MCPH1: variants seen among roughly 807,000 people sequenced by gnomAD.
MCPH1 encodes microcephalin 1.
A neutral mutation model predicts 84.5 loss-of-function variants in MCPH1; 104 were observed. The observed-to-expected ratio is 1.23, with a 90% CI of 1.05 to 1.45. MCPH1 has a LOEUF of 1.45. Among genes scored for constraint, MCPH1 ranks in the 40% most tolerant of loss-of-function variants. MCPH1 has a pLI of 0.00. For missense variants in MCPH1, 1,498 were observed against 1,005.7 expected (o/e 1.49, Z -6.62); for synonymous variants, 514 against 366.8 (o/e 1.40, Z -4.58).
At chr8:6,519,962 GTTC>G (rs1817003152) in intron 12 of MCPH1, 2 of 1,614,064 alleles carry the variant, frequency 1.2e-6, no homozygotes, top group Non-Finnish European at 1.7e-6. Context: ...AAGCTGATTT[GTTC>G]TTCTTTAGCA....
chr8:6,643,300 T>C lies in MCPH1; in HGVS notation c.*251T>C, dbSNP rs927120394. ...TATTTTTTGAGACGGAGTCCTGCCC[T>C]GTTTCCCAGGCTGGAGTGCAATGGC... On this transcript the variant is annotated 3_prime_UTR_variant, in exon 14 of 14. Transcript: ENST00000344683. 13 of 489,628 alleles carry C rather than the reference T, an allele frequency of 2.7e-5. No individual in the cohort carries two copies. The highest frequency in any genetic ancestry group is 4.8e-5 in the Non-Finnish European group (13 of 272,148). The allele number at this position is 489,628 out of a possible 1,614,324, so 30.3% of individuals were successfully genotyped here.
At chr8:6,431,795 G>A (rs1432921735) in intron 4 of MCPH1, among the ~76,000 whole-genome samples, 1 of 152,138 alleles carries the variant, frequency 6.6e-6, no homozygotes, top group African/African-American at 2.4e-5. Context: ...GTATGAAATG[G>A]AAAAGCCTGT....
At chr8:6,624,619 G>C (rs978919182) in intron 13 of MCPH1, among the ~76,000 whole-genome samples, 6 of 152,076 alleles carry the variant, frequency 3.9e-5, no homozygotes, top group Non-Finnish European at 8.8e-5. Flanking sequence ...TTTTCTGTCC[G>C]TACATACTTC....
chr8:6,506,035 A>G lies in MCPH1; in HGVS notation c.2214+6106A>G, dbSNP rs140204337. On this transcript the variant is annotated intron_variant, in intron 12 of 13. Coordinates refer to ENST00000344683, the MANE Select transcript of MCPH1 (RefSeq NM_024596.5). ...TATGTATATATATAAAAACATATAT[A>G]TATTCTTTATATATATATATGTTGT... Among the ~76,000 whole-genome samples, 482 of 146,544 alleles carry G rather than the reference A, an allele frequency of 3.3e-3. 16 individuals are homozygous for G. The highest frequency in any genetic ancestry group is 3.6e-3 in the Non-Finnish European group (243 of 66,934).
At chr8:6,469,702 G>A (rs1414253414) in intron 9 of MCPH1, among the ~76,000 whole-genome samples, 1 of 152,140 alleles carries the variant, frequency 6.6e-6, no homozygotes, top group Non-Finnish European at 1.5e-5. Flanking sequence ...AGAATGTTTT[G>A]TTTTTGAAAT....
At chr8:6,408,035 T>C (rs1452633707) in intron 1 of MCPH1, among the ~76,000 whole-genome samples, 3 of 152,234 alleles carry the variant, frequency 2.0e-5, no homozygotes, top group Non-Finnish European at 4.4e-5. Flanking sequence ...AAATACTGTA[T>C]TGGCCACAAA....
intron 9 of MCPH1, among the ~76,000 whole-genome samples, chr8:6,458,272 A>T (rs544109417): frequency 6.6e-6 from 1 of 152,154 alleles, no homozygotes; most frequent in East Asian, 1.9e-4. Context: ...GGAGATCAAG[A>T]CCATCCTGGC....
At chr8:6,609,724 C>T (rs1165135259) in intron 12 of MCPH1, among the ~76,000 whole-genome samples, 1 of 151,880 alleles carries the variant, frequency 6.6e-6, no homozygotes, top group African/African-American at 2.4e-5. Flanking sequence ...GAGAGTGAGC[C>T]ACTTCTCATT....
At chr8:6,524,470 T>C (rs937949160) in intron 12 of MCPH1, among the ~76,000 whole-genome samples, 2 of 152,222 alleles carry the variant, frequency 1.3e-5, no homozygotes, top group Admixed American at 1.3e-4. Context: ...TGAAGCCTCC[T>C]GAGTCACTTT....
intron 9 of MCPH1, chr8:6,473,851 A>G (rs1808084936): frequency 6.2e-6 from 9 of 1,456,700 alleles, no homozygotes; most frequent in East Asian, 4.6e-5. Flanking sequence ...GTCAAGAGTT[A>G]TAATCTTTGA....
At chr8:6,482,755 C>T (rs923786370) in intron 11 of MCPH1, among the ~76,000 whole-genome samples, 1 of 152,148 alleles carries the variant, frequency 6.6e-6, no homozygotes, top group African/African-American at 2.4e-5. Flanking sequence ...AGAAACAGAA[C>T]TGGGTGAAAT....
chr8:6,637,801 G>A (rs371348077), intron 13 of MCPH1, among the ~76,000 whole-genome samples: 4 of 152,156 alleles, frequency 2.6e-5, no homozygotes, highest in Admixed American at 1.3e-4. Context: ...AGCAGTCTCG[G>A]ACCTTTGCAG....
chr8:6,513,442 T>C (rs950442311), intron 12 of MCPH1, among the ~76,000 whole-genome samples: 1 of 151,936 alleles, frequency 6.6e-6, no homozygotes, highest in South Asian at 2.1e-4. Context: ...ACGCCATTCT[T>C]CTGCCTCAGC....
intron 12 of MCPH1, among the ~76,000 whole-genome samples, chr8:6,529,685 G>A (rs889110997): frequency 6.2e-5 from 9 of 144,748 alleles, no homozygotes; most frequent in Admixed American, 2.8e-4. Flanking sequence ...AGCTGGTCTC[G>A]GACTCCTGAT....
At chr8:6,448,978 AAAAT>A (rs977660206) in intron 8 of MCPH1, among the ~76,000 whole-genome samples, 1 of 152,196 alleles carries the variant, frequency 6.6e-6, no homozygotes, top group Admixed American at 6.5e-5. Flanking sequence ...ATTAATGAGA[AAAAT>A]AAAATAATTT....
At chr8:6,610,642 A>C (rs1054475479) in intron 12 of MCPH1, among the ~76,000 whole-genome samples, 10 of 152,160 alleles carry the variant, frequency 6.6e-5, no homozygotes, top group Non-Finnish European at 1.5e-4. Context: ...GAAAAACTAT[A>C]ATCATTCTGC....
intron 12 of MCPH1, among the ~76,000 whole-genome samples, chr8:6,602,666 T>G (rs1416185024): frequency 1.3e-5 from 2 of 152,116 alleles, no homozygotes; most frequent in African/African-American, 4.8e-5. Flanking sequence ...GTTGGGTTTG[T>G]TGCTTTCCTT....
intron 11 of MCPH1, among the ~76,000 whole-genome samples, chr8:6,492,085 T>A (rs1810665843): frequency 6.6e-6 from 1 of 152,234 alleles, no homozygotes; most frequent in Admixed American, 6.5e-5. Context: ...TAGTTTACAG[T>A]CCCACTAGCA....
At position 6,643,400 on chromosome 8, in the gene MCPH1, G is replaced by A. The variant is rs1316912049; in HGVS notation, c.*351G>A. 6 of 314,662 alleles carry A rather than the reference G, an allele frequency of 1.9e-5. No homozygotes were observed. The highest frequency in any genetic ancestry group is 8.7e-5 in the African/African-American group (4 of 46,018). The allele number at this position is 314,662 out of a possible 1,614,324, so 19.5% of individuals were successfully genotyped here. A position where few individuals can be genotyped will look rare whatever the true frequency, so the allele number is the denominator to read the frequency against. ...CTGCCTCAGCCTCCTGAGTAGCTGG[G>A]ATTACAGATGTGTGCCACCATGCCT... On this transcript the variant is annotated 3_prime_UTR_variant, in exon 14 of 14. Coordinates refer to ENST00000344683, the MANE Select transcript of MCPH1 (RefSeq NM_024596.5).
Sources: allele counts gnomAD v4.1 joint callset (sites outside exome capture counted in the v4.1 genomes callset), GRCh38; gene constraint gnomAD v4.1.1; transcripts MANE v1.5; gene names NCBI Gene and HGNC (gene_info 2026-07-23, HGNC 2026-07-21).